The following TRPS1 variants were observed in gnomAD, a reference collection of about 807,000 sequenced individuals.
TRPS1 encodes zinc finger transcription factor Trps1.
TRPS1 carries 6 observed loss-of-function variants against 101.2 expected under a neutral mutation model. The ratio of observed to expected loss-of-function variants is 0.06; its 90% CI spans 0.03 to 0.12. The LOEUF (loss-of-function observed/expected upper bound fraction) is 0.12, where lower values mean the gene tolerates loss of function less well. Among genes scored for constraint, TRPS1 ranks in the 10% least tolerant of loss-of-function variants. The probability of loss-of-function intolerance (pLI) is 1.00; values close to 1 mark genes in which losing one functional copy is unlikely to be tolerated. For synonymous variants in TRPS1, 578 were observed against 589.8 expected, an observed-to-expected ratio of 0.98 and a Z score of 0.29; for missense variants, 1,363 against 1,567.0, an observed-to-expected ratio of 0.87 and a Z score of 2.20.
At chr8:115,423,531 T>A (rs1563721169) in intron 5 of TRPS1, among the ~76,000 whole-genome samples, 1 of 152,348 alleles carries the variant, frequency 6.6e-6, no homozygotes, top group South Asian at 2.1e-4. Context: ...TAACTTTTAA[T>A]ATGAATACCC....
At chr8:115,489,864 A>G (rs1482983957) in intron 5 of TRPS1, among the ~76,000 whole-genome samples, 1 of 152,124 alleles carries the variant, frequency 6.6e-6, no homozygotes, top group Non-Finnish European at 1.5e-5. Context: ...GCAATATTCA[A>G]ATATGGGTTT....
At chr8:115,433,286 A>G (rs1190334294) in intron 5 of TRPS1, among the ~76,000 whole-genome samples, 1 of 152,074 alleles carries the variant, frequency 6.6e-6, no homozygotes, top group Non-Finnish European at 1.5e-5. Flanking sequence ...CTTTTGAAAA[A>G]AAACATAAAT....
At chr8:115,642,327 A>G (rs558706054) in intron 1 of TRPS1, among the ~76,000 whole-genome samples, 10 of 152,164 alleles carry the variant, frequency 6.6e-5, no homozygotes, top group African/African-American at 2.4e-4. Context: ...TCCAACAGAA[A>G]CACACAGATG....
At position 115,494,789 on chromosome 8, in the gene TRPS1, T is replaced by C. The variant is rs187276568; in HGVS notation, c.2701-76337A>G. ...AAGAGAAAAAACAATATTACCCCAA[T>C]TCTGATACAGTTCGATGAATCGGCT... On this transcript the variant is annotated intron_variant, in intron 5 of 6. Coordinates refer to ENST00000395715, the MANE Select transcript of TRPS1 (RefSeq NM_014112.5). 1.9e-3 allele frequency among the ~76,000 whole-genome samples: 296 copies of C among 152,344 alleles called. 1 individual carries two copies. Among genetic ancestry groups the C allele is most frequent in the African/African-American group, 6.7e-3 (279 of 41,590 alleles).
chr8:115,659,488 C>T (rs937951413), intron 1 of TRPS1, among the ~76,000 whole-genome samples: 3 of 151,396 alleles, frequency 2.0e-5, no homozygotes, highest in Non-Finnish European at 3.0e-5. Context: ...AAAAAATAAT[C>T]GATAAAGAAT....
rs1033926857 is a variant in TRPS1 at position 115,530,948 on chromosome 8, G to A, written c.2700+56053C>T. 3.3e-5 allele frequency among the ~76,000 whole-genome samples: 5 copies of A among 152,114 alleles called. No homozygotes were observed. The East Asian group carries it at 5.8e-4, about 18-fold the overall frequency. On this transcript the variant is annotated intron_variant, in intron 5 of 6. Coordinates refer to ENST00000395715, the MANE Select transcript of TRPS1 (RefSeq NM_014112.5). ...CCTGTCATGGGGTGGGGGAAGGGGG[G>A]AGGGATAGCATTAGGAGATATACCT...
At chr8:115,620,081 G>C in intron 2 of TRPS1, 21 bp from the exon 3 acceptor site, 1 of 1,610,294 alleles carries the variant, frequency 6.2e-7, no homozygotes. Flanking sequence ...AAAGGGAAAA[G>C]GCAGATACAG....
chr8:115,425,564 G>A (rs932913263), intron 5 of TRPS1, among the ~76,000 whole-genome samples: 4 of 152,122 alleles, frequency 2.6e-5, no homozygotes, highest in Non-Finnish European at 4.4e-5. Context: ...TGACAATGTC[G>A]CCACATAGGG....
chr8:115,521,225 T>C (rs2130228970), intron 5 of TRPS1, among the ~76,000 whole-genome samples: 1 of 151,998 alleles, frequency 6.6e-6, no homozygotes, highest in East Asian at 1.9e-4. Context: ...AAGTTATTCC[T>C]AGTTGGTGAC....
intron 5 of TRPS1, among the ~76,000 whole-genome samples, chr8:115,432,157 A>AT (rs1813335596): frequency 6.6e-6 from 1 of 151,814 alleles, no homozygotes; most frequent in Non-Finnish European, 1.5e-5. Flanking sequence ...GACTTAGATA[A>AT]TTTTTTCTGT....
intron 5 of TRPS1, among the ~76,000 whole-genome samples, chr8:115,579,931 C>T (rs1817404062): frequency 6.6e-6 from 1 of 151,916 alleles, no homozygotes; most frequent in Non-Finnish European, 1.5e-5. Context: ...AAAAACAAAA[C>T]TAAGATTCCT....
intron 5 of TRPS1, among the ~76,000 whole-genome samples, chr8:115,536,716 T>C (rs1816332182): frequency 6.6e-6 from 1 of 151,888 alleles, no homozygotes; most frequent in South Asian, 2.1e-4. Context: ...AGTTGATACT[T>C]TACTCAATTA....
At chr8:115,522,436 T>C (rs1204806441) in intron 5 of TRPS1, among the ~76,000 whole-genome samples, 1 of 152,060 alleles carries the variant, frequency 6.6e-6, no homozygotes, top group Non-Finnish European at 1.5e-5. Flanking sequence ...AGTTATGGAT[T>C]ATGTTCTTCA....
chr8:115,481,594 T>C (rs1046343631), intron 5 of TRPS1, among the ~76,000 whole-genome samples: 2 of 152,196 alleles, frequency 1.3e-5, no homozygotes, highest in Admixed American at 6.5e-5. Flanking sequence ...ATTCTATTCA[T>C]TCTGAAATCT....
At position 115,415,028 on chromosome 8, in the gene TRPS1, C is replaced by T. The variant is rs775703479; in HGVS notation, c.2880G>A (p.Arg960=). ...KQNNGEQIIR[R]RTRKRLNPEA... ...CTGGGTTAAGGCGCTTTCTTGTTCT[C>T]CTCCTAATAATCTGCTCACCGTTGT... Residue 960 remains arginine (R), a synonymous_variant, in exon 7 of 7, where the codon AGG becomes AGA. Coordinates refer to ENST00000395715, the MANE Select transcript of TRPS1 (RefSeq NM_014112.5). The T allele has an allele frequency of 3.2e-6, 5 of 1,585,344 alleles. No individual in the cohort carries two copies. The highest frequency in any genetic ancestry group is 4.3e-6 in the Non-Finnish European group (5 of 1,171,274).
At chr8:115,556,595 C>T (rs949009542) in intron 5 of TRPS1, among the ~76,000 whole-genome samples, 8 of 152,106 alleles carry the variant, frequency 5.3e-5, no homozygotes, top group Admixed American at 5.2e-4. Flanking sequence ...AATTCATGTG[C>T]CTGTGTTCTG....
intron 5 of TRPS1, among the ~76,000 whole-genome samples, chr8:115,457,474 T>A (rs1814059489): frequency 6.6e-6 from 1 of 151,786 alleles, no homozygotes; most frequent in Admixed American, 6.6e-5. Flanking sequence ...GAATGGGGAG[T>A]TATTGTTTAA....
intron 3 of TRPS1, among the ~76,000 whole-genome samples, chr8:115,608,548 A>T (rs946600616): frequency 1.1e-4 from 16 of 147,458 alleles, no homozygotes; most frequent in Non-Finnish European, 2.2e-4. Context: ...AAGTTCTATG[A>T]AAAGATACAT....
At chr8:115,452,500 T>C (rs1264985073) in intron 5 of TRPS1, among the ~76,000 whole-genome samples, 1 of 152,216 alleles carries the variant, frequency 6.6e-6, no homozygotes, top group Non-Finnish European at 1.5e-5. Flanking sequence ...AAAGAAATGG[T>C]ATGTCAAATT....
Sources: gnomAD v4.1 joint callset for allele counts (sites outside exome capture counted in the v4.1 genomes callset) on GRCh38, gnomAD v4.1.1 for gene constraint, MANE v1.5 for transcripts, NCBI Gene and HGNC (gene_info 2026-07-23, HGNC 2026-07-21) for gene names.